The following MCPH1 variants were observed in gnomAD, a reference collection of about 807,000 sequenced individuals.
MCPH1 encodes microcephalin.
A neutral mutation model predicts 84.5 loss-of-function variants in MCPH1; 104 were observed. The ratio of observed to expected loss-of-function variants is 1.23; its 90% confidence interval spans 1.05 to 1.45. The LOEUF is 1.45. Among genes scored for constraint, MCPH1 ranks in the 40% most tolerant of loss-of-function variants. The probability of loss-of-function intolerance (pLI) is 0.00; values close to 1 mark genes in which losing one functional copy is unlikely to be tolerated. For synonymous variants in MCPH1, 514 were observed against 366.8 expected (o/e 1.40, Z -4.58); for missense variants, 1,498 against 1,005.7 (o/e 1.49, Z -6.62).
intron 12 of MCPH1, among the ~76,000 whole-genome samples, chr8:6,603,749 T>G (rs543686815): frequency 6.6e-6 from 1 of 152,302 alleles, no homozygotes; most frequent in East Asian, 1.9e-4. Flanking sequence ...GGATCCAAAC[T>G]GGGACTTAGT....
intron 12 of MCPH1, chr8:6,616,002 A>C (rs1830751880): frequency 6.6e-6 from 1 of 152,194 alleles, no homozygotes; most frequent in Non-Finnish European, 1.5e-5. Context: ...CATAACTCTG[A>C]CTATACTAAG....
chr8:6,550,778 C>G (rs1169987015), intron 12 of MCPH1, among the ~76,000 whole-genome samples: 1 of 152,198 alleles, frequency 6.6e-6, no homozygotes, highest in Non-Finnish European at 1.5e-5. Context: ...GCTGGAGTTT[C>G]TTACCCATAT....
At chr8:6,572,428 C>T (rs1342420491) in intron 12 of MCPH1, among the ~76,000 whole-genome samples, 6 of 152,088 alleles carry the variant, frequency 3.9e-5, no homozygotes, top group Non-Finnish European at 7.4e-5. Context: ...TCCTATCAAG[C>T]GACAGGCAAA....
chr8:6,620,199 G>A, intron 12 of MCPH1: 1 of 152,254 alleles, frequency 6.6e-6, no homozygotes, highest in East Asian at 1.9e-4. Context: ...GCACATGAAA[G>A]CTGCTGAGGC....
rs1412125946 is a variant in MCPH1 at position 6,644,124 on chromosome 8, C to A, written c.*1075C>A. On this transcript the variant is annotated 3_prime_UTR_variant, in exon 14 of 14. Coordinates refer to ENST00000344683, the MANE Select transcript of MCPH1 (RefSeq NM_024596.5). ...AATCAGCTGGGTGTGGTGGCACACA[C>A]CTGTGGTCCCAGCTCCTCAGGAGTC... 1 of 152,262 alleles carries A rather than the reference C, an allele frequency of 6.6e-6. No homozygotes were observed. Among genetic ancestry groups the A allele is most frequent in the East Asian group, 1.9e-4 (1 of 5,202 alleles). 9.4% of individuals were successfully genotyped at this position (152,262 alleles called of 1,614,324 possible). A position where few individuals can be genotyped will look rare whatever the true frequency, so the allele number is the denominator to read the frequency against.
At chr8:6,618,974 G>A (rs181384879) in intron 12 of MCPH1, 16 of 152,292 alleles carry the variant, frequency 1.1e-4, no homozygotes, top group Non-Finnish European at 2.4e-4. Flanking sequence ...GCAAAGAGAA[G>A]TATTTCTGCT....
At chr8:6,478,416 T>C (rs1220901598) in intron 10 of MCPH1, among the ~76,000 whole-genome samples, 1 of 152,236 alleles carries the variant, frequency 6.6e-6, no homozygotes, top group African/African-American at 2.4e-5. Context: ...CAGAAGCGAA[T>C]ATTGAATATA....
intron 9 of MCPH1, among the ~76,000 whole-genome samples, chr8:6,468,672 T>A (rs1807312040): frequency 1.4e-5 from 2 of 141,428 alleles, no homozygotes. Context: ...GCTATGAAAA[T>A]TAGAAAAAAT....
chr8:6,592,623 GTTT>G lies in MCPH1; in HGVS notation c.2215-28813_2215-28811del, dbSNP rs573651366. ...GCTCTCGTTTTTCTTTCTTTTTTTT[GTTT>G]TTTTTTTTTTTTTTTTTGTTGCTGT... On this transcript the variant is annotated intron_variant, in intron 12 of 13. Transcript: ENST00000344683. 3.1e-3 allele frequency among the ~76,000 whole-genome samples: 240 copies of G among 77,594 alleles called. 2 individuals are homozygous for G. Among genetic ancestry groups the G allele is most frequent in the African/African-American group, 0.012 (231 of 18,724 alleles). 50.9% of individuals were successfully genotyped at this position (77,594 alleles called of 152,430 possible).
chr8:6,508,981 A>G (rs977565817), intron 12 of MCPH1: 3 of 1,614,118 alleles, frequency 1.9e-6, no homozygotes, highest in Middle Eastern at 1.6e-4. Context: ...CGTTGTCTCC[A>G]TCCTTTGTGC....
chr8:6,542,324 GTGTA>G (rs1212683799), intron 12 of MCPH1, among the ~76,000 whole-genome samples: 8 of 152,062 alleles, frequency 5.3e-5, no homozygotes, highest in African/African-American at 1.2e-4. Flanking sequence ...CTGTGTGTGT[GTGTA>G]TGTATGTGTG....
At chr8:6,490,112 A>G (rs1175599040) in intron 11 of MCPH1, among the ~76,000 whole-genome samples, 2 of 152,122 alleles carry the variant, frequency 1.3e-5, no homozygotes, top group South Asian at 2.1e-4. Flanking sequence ...CAGGACGTCA[A>G]CTTGGTCCAT....
chr8:6,610,215 T>A (rs1289106408), intron 12 of MCPH1, among the ~76,000 whole-genome samples: 1 of 152,184 alleles, frequency 6.6e-6, no homozygotes, highest in African/African-American at 2.4e-5. Context: ...TGGGGCTGGG[T>A]TGCCACTGAG....
At position 6,462,746 on chromosome 8, in the gene MCPH1, G is replaced by C. The variant is rs1027135809; in HGVS notation, c.1935+7494G>C. 6.6e-5 allele frequency among the ~76,000 whole-genome samples: 10 copies of C among 152,306 alleles called. No individual in the cohort carries two copies. The South Asian group carries it at 1.9e-3, about 28-fold the overall frequency. Reference sequence around the variant, plus strand: ...GTATAAAACAGGAATAATAATAATAGTACCAGTCTCCTCAAAGGGTTTGTG... The same window carrying C: ...GTATAAAACAGGAATAATAATAATACTACCAGTCTCCTCAAAGGGTTTGTG... On this transcript the variant is annotated intron_variant, in intron 9 of 13. Transcript: ENST00000344683.
At chr8:6,504,259 A>G (rs1290918652) in intron 12 of MCPH1, among the ~76,000 whole-genome samples, 2 of 139,710 alleles carry the variant, frequency 1.4e-5, no homozygotes, top group East Asian at 4.5e-4. Flanking sequence ...CGGAGCTTGC[A>G]GTGAGCCGAG....
At chr8:6,463,682 C>T (rs2515581) in intron 9 of MCPH1, among the ~76,000 whole-genome samples, 99,841 of 152,116 alleles carry the variant, frequency 0.66, 36,775 homozygotes, top group Non-Finnish European at 0.83. Flanking sequence ...GCTGCAGGGA[C>T]ACAGATGCCT....
intron 12 of MCPH1, among the ~76,000 whole-genome samples, chr8:6,509,498 C>G (rs1351094276): frequency 6.6e-6 from 1 of 152,150 alleles, no homozygotes; most frequent in Non-Finnish European, 1.5e-5. Flanking sequence ...ATGCAGCAGA[C>G]AAGGAATGGC....
At chr8:6,461,840 GAT>G (rs1343280451) in intron 9 of MCPH1, among the ~76,000 whole-genome samples, 1 of 152,202 alleles carries the variant, frequency 6.6e-6, no homozygotes, top group Non-Finnish European at 1.5e-5. Context: ...GCTATGTATA[GAT>G]ACCAGCACTC....
intron 12 of MCPH1, among the ~76,000 whole-genome samples, chr8:6,599,380 C>G (rs2922848): frequency 6.6e-6 from 1 of 152,150 alleles, no homozygotes. Flanking sequence ...CTGTTTAAAG[C>G]AGAGCGCGGC....
Sources: allele counts gnomAD v4.1 joint callset (sites outside exome capture counted in the v4.1 genomes callset), GRCh38; gene constraint gnomAD v4.1.1; transcripts MANE v1.5; gene names NCBI Gene and HGNC (gene_info 2026-07-23, HGNC 2026-07-21).